Variants in KMT2A observed in about 807,000 individuals in gnomAD.
KMT2A encodes the protein lysine methyltransferase 2A.
In KMT2A, 16 loss-of-function variants were observed where a neutral mutation model predicts 345.3. The observed-to-expected ratio is 0.05, with a 90% CI of 0.03 to 0.07. The LOEUF is 0.07. Ranked by LOEUF, KMT2A falls within the 10% of genes least tolerant of loss-of-function variation. The pLI is 1.00. For synonymous variants in KMT2A, 1,599 were observed against 1,778.6 expected (o/e 0.90, Z 2.54); for missense variants, 3,272 against 4,841.6 (o/e 0.68, Z 9.62).
At chr11:118,485,008 G>A (rs1950204713) in intron 10 of KMT2A, 33 bp downstream of exon 10, 2 of 1,272,126 alleles carry the variant, frequency 1.6e-6, no homozygotes, top group Non-Finnish European at 2.3e-6. Flanking sequence ...ACCCCAGGAA[G>A]TACATAAATT....
chr11:118,485,338 C>A (rs1410085318), intron 10 of KMT2A, among the ~76,000 whole-genome samples: 1 of 151,382 alleles, frequency 6.6e-6, no homozygotes, highest in Non-Finnish European at 1.5e-5. Context: ...GGAGCTCTTA[C>A]CAATTAATAA....
intron 31 of KMT2A, among the ~76,000 whole-genome samples, chr11:118,519,077 C>CA (rs11443977): frequency 0.75 from 50,023 of 66,528 alleles, 19,289 homozygotes; most frequent in Non-Finnish European, 0.83. Flanking sequence ...GACTCCATCT[C>CA]AAAAAAAAAA....
At chr11:118,480,906 A>G (rs1303033897) in intron 6 of KMT2A, among the ~76,000 whole-genome samples, 1 of 151,938 alleles carries the variant, frequency 6.6e-6, no homozygotes, top group African/African-American at 2.4e-5. Context: ...GGCTCAAGCA[A>G]TCCTCTCGCC....
At position 118,440,650 on chromosome 11, in the gene KMT2A, AC is replaced by A. The variant is rs1166698493; in HGVS notation, c.432+3707del. Among the ~76,000 whole-genome samples, 3 of 152,284 alleles carry A rather than the reference AC, an allele frequency of 2.0e-5. No individual in the cohort carries two copies. In the East Asian group the frequency reaches 5.8e-4, roughly 29 times the overall value. On this transcript the variant is annotated intron_variant, in intron 1 of 35. Transcript: ENST00000534358. ...AAACTTTAATTAGATACAAATTGAA[AC>A]TGAGTTACAGCATTGGTGTGTATTT...
intron 31 of KMT2A, among the ~76,000 whole-genome samples, chr11:118,513,719 C>A (rs1440819181): frequency 6.6e-6 from 1 of 151,828 alleles, no homozygotes; most frequent in Non-Finnish European, 1.5e-5. Context: ...TTGTTTGAGT[C>A]TAGGAGTTCA....
At chr11:118,481,672 A>AG in intron 6 of KMT2A, 43 bp from the exon 7 acceptor site, 1 of 1,543,992 alleles carries the variant, frequency 6.5e-7, no homozygotes, top group Non-Finnish European at 8.7e-7. Flanking sequence ...AAATAAAATT[A>AG]TTCTCACTAT....
In KMT2A at chr11:118,497,740, G is replaced by A. The variant is rs1484583353; in HGVS notation, c.5665-196G>A. On this transcript the variant is annotated intron_variant, in intron 20 of 35. Transcript: ENST00000534358. This position sits in a 1 kb window ranked among gnomAD's most constrained non-coding sequence, Gnocchi z 4.8. ...GATTTGTAAAATAGTTTCAGTCTAT[G>A]GAAAAAGTAATCTTGAAAAGAAGGA... Among the ~76,000 whole-genome samples, 2 of 152,046 alleles carry A rather than the reference G, an allele frequency of 1.3e-5. No individual in the cohort carries two copies. The highest frequency in any genetic ancestry group is 4.8e-5 in the African/African-American group (2 of 41,400).
chr11:118,455,535 A>T (rs536031523), intron 1 of KMT2A, among the ~76,000 whole-genome samples: 1 of 152,258 alleles, frequency 6.6e-6, no homozygotes, highest in South Asian at 2.1e-4. Context: ...ACAAGAATTA[A>T]CAAGGTTCTG....
chr11:118,436,652 G>A lies in KMT2A; in HGVS notation c.140G>A (p.Gly47Asp). The change falls in exon 1 of 36, where the codon GGC becomes GAC. Residue 47 changes from glycine to aspartate, a missense_variant. This residue lies in a region of KMT2A where 412 missense variants were observed against 511.0 expected (regional missense o/e 0.81). Coordinates refer to ENST00000534358, the MANE Select transcript of KMT2A (RefSeq NM_001197104.2). This position sits in a 1 kb window ranked among gnomAD's most constrained non-coding sequence, Gnocchi z 6.9. ...ALLLPPGPPV[G>D]GGGPGAPPSP... Reference sequence around the variant, plus strand: ...CTGCTTCCCCCCGGGCCCCCGGTCGGCGGTGGCGGCCCCGGGGCGCCCCCC... The same window carrying A: ...CTGCTTCCCCCCGGGCCCCCGGTCGACGGTGGCGGCCCCGGGGCGCCCCCC... The A allele has an allele frequency of 4.2e-6, 5 of 1,176,574 alleles. No homozygotes were observed. Among genetic ancestry groups the A allele is most frequent in the Non-Finnish European group, 5.3e-6 (5 of 949,612 alleles). 72.9% of individuals were successfully genotyped at this position (1,176,574 alleles called of 1,614,324 possible). A position where few individuals can be genotyped will look rare whatever the true frequency, so the allele number is the denominator to read the frequency against.
At chr11:118,462,825 G>C (rs144970503) in intron 1 of KMT2A, among the ~76,000 whole-genome samples, 4 of 152,314 alleles carry the variant, frequency 2.6e-5, no homozygotes, top group African/African-American at 9.6e-5. Context: ...GCCTCCTAAA[G>C]TCCTGGGATT....
chr11:118,442,352 T>C (rs1555026052), intron 1 of KMT2A, among the ~76,000 whole-genome samples: 1 of 152,240 alleles, frequency 6.6e-6, no homozygotes, highest in Non-Finnish European at 1.5e-5. Context: ...GTTAAATTAC[T>C]AATGAGTCTG....
chr11:118,475,671 C>T (rs1370842285), intron 3 of KMT2A, among the ~76,000 whole-genome samples: 1 of 151,786 alleles, frequency 6.6e-6, no homozygotes, highest in Non-Finnish European at 1.5e-5. Context: ...TGCAGTGAGC[C>T]GAGATCACGG....
intron 31 of KMT2A, among the ~76,000 whole-genome samples, chr11:118,518,651 C>T (rs188958258): frequency 2.2e-4 from 34 of 151,862 alleles, no homozygotes; most frequent in Admixed American, 3.9e-4. Context: ...GGCATGGTGA[C>T]GTGCCCCTGT....
rs1433907355 is a variant in KMT2A, at chr11:118,496,494, A to C, written c.5664+127A>C. 1 of 567,368 alleles carries C rather than the reference A, an allele frequency of 1.8e-6. No homozygotes were observed. The highest frequency in any genetic ancestry group is 3.1e-6 in the Non-Finnish European group (1 of 320,886). 35.1% of individuals were successfully genotyped at this position (567,368 alleles called of 1,614,324 possible). Reference sequence around the variant, plus strand: ...CTTACTTATAACTTACTAATTTATAACTTTTATTTACCTATAACTTATAAC... The same window carrying C: ...CTTACTTATAACTTACTAATTTATACCTTTTATTTACCTATAACTTATAAC... On this transcript the variant is annotated intron_variant, in intron 20 of 35. Coordinates refer to ENST00000534358, the MANE Select transcript of KMT2A (RefSeq NM_001197104.2). This position sits in a 1 kb window ranked among gnomAD's most constrained non-coding sequence, Gnocchi z 4.7.
intron 6 of KMT2A, among the ~76,000 whole-genome samples, chr11:118,481,097 T>A (rs1950123563): frequency 6.6e-6 from 1 of 152,254 alleles, no homozygotes; most frequent in Non-Finnish European, 1.5e-5. Flanking sequence ...ACAAACAAAC[T>A]AATTATACTC....
intron 30 of KMT2A, among the ~76,000 whole-genome samples, chr11:118,511,675 G>A (rs1486889023): frequency 6.6e-6 from 1 of 152,214 alleles, no homozygotes; most frequent in Non-Finnish European, 1.5e-5. Flanking sequence ...GGATGTGAAT[G>A]CGTTGGGGAT....
rs781830267 is a variant in KMT2A, at chr11:118,503,696, A to G, written c.7804A>G (p.Met2602Val). 4.2e-5 allele frequency: 68 copies of G among 1,614,024 alleles called. No individual in the cohort carries two copies. The highest frequency in any genetic ancestry group is 5.6e-5 in the Non-Finnish European group (66 of 1,180,040). The part of the protein sequence containing the change: ...QNLPVQDRNL[M>V]LPDGPKPQED... ...TCTTCCAGTACAGGACAGAAACCTA[A>G]TGCTTCCAGATGGCCCCAAACCTCA... Residue 2602 changes from methionine to valine, a missense_variant, in exon 27 of 36, where the codon ATG (methionine) becomes GTG (valine). Physicochemically the swap from Met to Val is conservative, Grantham distance 21. Transcript: ENST00000534358. This position sits in a 1 kb window ranked among gnomAD's most constrained non-coding sequence, Gnocchi z 5.3.
In KMT2A at chr11:118,522,246, G is replaced by A; in HGVS notation, c.*74G>A. On this transcript the variant is annotated 3_prime_UTR_variant, in exon 36 of 36. Coordinates refer to ENST00000534358, the MANE Select transcript of KMT2A (RefSeq NM_001197104.2). The surrounding 1 kb of genome is among the most constrained non-coding windows in gnomAD (Gnocchi z 5.4). ...AAAGCAACGCTGAAGGCCTTTTCCA[G>A]CAGCTGGGAGCTCCCGGATTGCGTG... 1 of 1,535,198 alleles carries A rather than the reference G, an allele frequency of 6.5e-7. No individual in the cohort carries two copies. Among genetic ancestry groups the A allele is most frequent in the Non-Finnish European group, 8.9e-7 (1 of 1,124,178 alleles).
At position 118,521,179 on chromosome 11, in the gene KMT2A, A is replaced by G. The variant is rs782778561; in HGVS notation, c.11514-109A>G. 1.3e-5 allele frequency: 16 copies of G among 1,237,196 alleles called. No homozygotes were observed. Among genetic ancestry groups the G allele is most frequent in the South Asian group, 1.4e-5 (1 of 70,204 alleles). The allele number at this position is 1,237,196 out of a possible 1,614,324, so 76.6% of individuals were successfully genotyped here. On this transcript the variant is annotated intron_variant, in intron 34 of 35. Transcript: ENST00000534358. This position sits in a 1 kb window ranked among gnomAD's most constrained non-coding sequence, Gnocchi z 5.3. ...GGTCCAAATTTTTATTTTCTCAAGTATATGTCCCTCCTGGGGAACTAACAG... is the reference window on the plus strand; with the variant it reads ...GGTCCAAATTTTTATTTTCTCAAGTGTATGTCCCTCCTGGGGAACTAACAG...
Sources: gnomAD v4.1 joint callset for allele counts (sites outside exome capture counted in the v4.1 genomes callset) on GRCh38, gnomAD v4.1.1 for gene constraint, gnomAD v4.1.1 regional missense constraint, Gnocchi (gnomAD v3.1) non-coding constraint, MANE v1.5 for transcripts, NCBI Gene and HGNC (gene_info 2026-07-23, HGNC 2026-07-21) for gene names.